ULK4: variants seen among roughly 807,000 people sequenced by gnomAD.
The protein encoded by ULK4 is unc-51 like kinase 4.
ULK4 carries 133 observed loss-of-function variants against 160.6 expected under a neutral mutation model. The observed-to-expected ratio is 0.83, with a 90% CI of 0.72 to 0.96. ULK4 has a LOEUF of 0.96. Among genes scored for constraint, ULK4 ranks in the 40% least tolerant of loss-of-function variants. The probability of loss-of-function intolerance (pLI) is 0.00; values close to 1 mark genes in which losing one functional copy is unlikely to be tolerated. For missense variants in ULK4, 1,580 were observed against 1,499.5 expected (o/e 1.05, Z -0.89); for synonymous variants, 534 against 539.8 (o/e 0.99, Z 0.15).
intron 35 of ULK4, among the ~76,000 whole-genome samples, chr3:41,338,434 T>C (rs1387754526): frequency 1.3e-5 from 2 of 152,216 alleles, no homozygotes; most frequent in African/African-American, 4.8e-5. Context: ...ATTATGTGGG[T>C]TCCTCAGCCA....
chr3:41,634,979 T>C (rs756772008), intron 30 of ULK4, among the ~76,000 whole-genome samples: 1 of 152,144 alleles, frequency 6.6e-6, no homozygotes, highest in Non-Finnish European at 1.5e-5. Flanking sequence ...GTAGGAAAAA[T>C]AAAACCTGGT....
chr3:41,749,550 A>C (rs1427267139), intron 22 of ULK4, among the ~76,000 whole-genome samples: 2 of 152,184 alleles, frequency 1.3e-5, no homozygotes, highest in Non-Finnish European at 2.9e-5. Flanking sequence ...AAGTGTTCTG[A>C]GCACATTTAA....
At chr3:41,589,119 T>TA (rs11360709) in intron 31 of ULK4, among the ~76,000 whole-genome samples, 129 of 149,664 alleles carry the variant, frequency 8.6e-4, no homozygotes, top group South Asian at 1.9e-3. Flanking sequence ...AGACAAATAT[T>TA]AAAAAAAAAA....
chr3:41,506,155 C>A (rs796489013), intron 32 of ULK4, among the ~76,000 whole-genome samples: 209 of 152,242 alleles, frequency 1.4e-3, no homozygotes, highest in African/African-American at 4.8e-3. Context: ...GGTACATTAA[C>A]ACTTTTTATT....
chr3:41,802,066 T>C (rs536240147), intron 19 of ULK4, among the ~76,000 whole-genome samples: 3 of 151,970 alleles, frequency 2.0e-5, no homozygotes, highest in Admixed American at 2.0e-4. Context: ...ATAACATCTT[T>C]CAAAAACAAA....
intron 12 of ULK4, among the ~76,000 whole-genome samples, chr3:41,903,988 T>C (rs568787739): frequency 0.077 from 6,290 of 82,150 alleles, 423 homozygotes; most frequent in African/African-American, 0.19. Context: ...GGCAAAAGGC[T>C]CTTAAAAAAA....
chr3:41,937,169 T>C, intron 3 of ULK4: 2 of 458,440 alleles, frequency 4.4e-6, no homozygotes, highest in Middle Eastern at 5.9e-4. Flanking sequence ...GGGTTTTATT[T>C]TGTTTTGGTG....
At chr3:41,338,468 TAATCTG>T (rs2080612316) in intron 35 of ULK4, among the ~76,000 whole-genome samples, 1 of 152,220 alleles carries the variant, frequency 6.6e-6, no homozygotes, top group Non-Finnish European at 1.5e-5. Flanking sequence ...GTAGCTCTCT[TAATCTG>T]AACACTTTCC....
chr3:41,333,088 A>T (rs547178067), intron 35 of ULK4, among the ~76,000 whole-genome samples: 3 of 152,344 alleles, frequency 2.0e-5, no homozygotes, highest in African/African-American at 7.2e-5. Context: ...CATGAGAAAG[A>T]ATCTTTCTTG....
intron 18 of ULK4, among the ~76,000 whole-genome samples, chr3:41,822,836 C>T (rs1318602204): frequency 1.3e-5 from 2 of 151,214 alleles, no homozygotes; most frequent in African/African-American, 4.9e-5. Flanking sequence ...ATTCTCCTGC[C>T]TCAGCCTCCC....
intron 17 of ULK4, among the ~76,000 whole-genome samples, chr3:41,852,935 CCT>C (rs1416156841): frequency 6.6e-6 from 1 of 152,150 alleles, no homozygotes; most frequent in Non-Finnish European, 1.5e-5. Context: ...AAAAATCTCC[CCT>C]GAGAATCAAA....
chr3:41,461,284 G>C (rs999454125), intron 33 of ULK4, among the ~76,000 whole-genome samples: 5 of 152,326 alleles, frequency 3.3e-5, no homozygotes, highest in African/African-American at 1.2e-4. Flanking sequence ...AATAGATACA[G>C]GTTTCAAGTG....
chr3:41,757,428 C>T (rs909786490), intron 21 of ULK4, among the ~76,000 whole-genome samples: 2 of 151,862 alleles, frequency 1.3e-5, no homozygotes, highest in African/African-American at 2.4e-5. Context: ...GTCAGGAGAT[C>T]AAGACCAACC....
intron 25 of ULK4, among the ~76,000 whole-genome samples, chr3:41,710,564 C>T (rs1307048501): frequency 6.6e-6 from 1 of 151,970 alleles, no homozygotes; most frequent in Non-Finnish European, 1.5e-5. Flanking sequence ...GAGGCTGAGG[C>T]AGGCGGATCA....
chr3:41,677,917 A>G (rs1233257405), intron 29 of ULK4, among the ~76,000 whole-genome samples: 2 of 152,148 alleles, frequency 1.3e-5, no homozygotes, highest in African/African-American at 2.4e-5. Context: ...ATCTCATCCA[A>G]TCAAAGACCT....
At chr3:41,539,018 T>G (rs1575380563) in intron 32 of ULK4, among the ~76,000 whole-genome samples, 1 of 143,100 alleles carries the variant, frequency 7.0e-6, no homozygotes, top group African/African-American at 2.6e-5. Context: ...TATGCTTTCA[T>G]AACAATCTTT....
At chr3:41,786,167 G>A (rs1391761161) in intron 21 of ULK4, among the ~76,000 whole-genome samples, 1 of 152,022 alleles carries the variant, frequency 6.6e-6, no homozygotes, top group Non-Finnish European at 1.5e-5. Context: ...CCAAATTACT[G>A]CGTTTTGTTT....
chr3:41,684,904 C>T (rs578226916), intron 27 of ULK4, among the ~76,000 whole-genome samples: 3 of 152,326 alleles, frequency 2.0e-5, no homozygotes, highest in African/African-American at 7.2e-5. Context: ...TCGTGGCTAA[C>T]CTTACAAATT....
Position 41,398,139 on chromosome 3 carries a change from T to A in ULK4, c.3618A>T (p.Leu1206Phe), listed in dbSNP as rs372869994. ...SPENVEIFAH[L>F]LTSKEDPKEQ... ...CCTTTGGGTCCTCCTTGGATGTCAGTAAATGAGCAAAAATTTCCACATTTT... is the reference window on the plus strand; with the variant it reads ...CCTTTGGGTCCTCCTTGGATGTCAGAAAATGAGCAAAAATTTCCACATTTT... Residue 1206 changes from leucine (L) to phenylalanine (F), a missense_variant, in exon 35 of 37, where the codon TTA becomes TTT. Physicochemically the swap from Leu to Phe is conservative, Grantham distance 22. Coordinates refer to ENST00000301831, the MANE Select transcript of ULK4 (RefSeq NM_017886.4). 6.2e-7 allele frequency: 1 copy of A among 1,613,562 alleles called. No individual in the cohort carries two copies. The highest frequency in any genetic ancestry group is 1.1e-5 in the South Asian group (1 of 91,066).
Sources: allele counts gnomAD v4.1 joint callset (sites outside exome capture counted in the v4.1 genomes callset), GRCh38; gene constraint gnomAD v4.1.1; transcripts MANE v1.5; gene names NCBI Gene and HGNC (gene_info 2026-07-23, HGNC 2026-07-21).